The following LPA variants were observed in gnomAD, a reference collection of about 807,000 sequenced individuals.
The protein encoded by LPA is lipoprotein(a).
LPA carries 199 observed loss-of-function variants against 197.9 expected under a neutral mutation model. That is an observed-to-expected ratio of 1.01 (90% CI 0.90 to 1.13). The LOEUF (loss-of-function observed/expected upper bound fraction) is 1.13. Ranked by LOEUF, LPA falls within the 50% of genes most tolerant of loss-of-function variation. The pLI is 0.00. For synonymous variants in LPA, 715 were observed against 639.5 expected (o/e 1.12, Z -1.78); for missense variants, 1,853 against 1,785.8 (o/e 1.04, Z -0.68).
At chr6:160,587,613 C>A (rs4073498) in intron 24 of LPA, among the ~76,000 whole-genome samples, 19 of 151,830 alleles carry the variant, frequency 1.3e-4, no homozygotes, top group Non-Finnish European at 2.5e-4. Flanking sequence ...TGGCGTGTTG[C>A]GAGCCATCAT....
intron 26 of LPA, among the ~76,000 whole-genome samples, chr6:160,582,681 T>C (rs1473860450): frequency 6.6e-6 from 1 of 152,176 alleles, no homozygotes; most frequent in East Asian, 1.9e-4. Context: ...GCTTTACTTT[T>C]TAAAATCCTA....
chr6:160,610,250 T>C (rs544886747), intron 16 of LPA, among the ~76,000 whole-genome samples: 25 of 152,312 alleles, frequency 1.6e-4, no homozygotes, highest in Admixed American at 4.6e-4. Flanking sequence ...TGTTTACTTC[T>C]GAAGAGAGTT....
rs751715490 is a variant in LPA, at chr6:160,557,375, C to A, written c.4813+15G>T. 13 of 1,610,066 alleles carry A rather than the reference C, an allele frequency of 8.1e-6. No homozygotes were observed. ...AATGTTCAAATGTGTAGATATCTGG[C>A]CACAGACTTCTTACCTGCTTCAGAA... On this transcript the variant is annotated intron_variant, in intron 29 of 38. Coordinates refer to ENST00000316300, the MANE Select transcript of LPA (RefSeq NM_005577.4).
chr6:160,558,415 G>C (rs2115013332), intron 28 of LPA, among the ~76,000 whole-genome samples: 1 of 152,258 alleles, frequency 6.6e-6, no homozygotes, highest in Non-Finnish European at 1.5e-5. Context: ...TACTTTTAGA[G>C]TGAAAAGCAA....
At chr6:160,611,071 T>A (rs535253475) in intron 16 of LPA, among the ~76,000 whole-genome samples, 1 of 152,090 alleles carries the variant, frequency 6.6e-6, no homozygotes, top group African/African-American at 2.4e-5. Flanking sequence ...AGGCCACTGG[T>A]ACTTAGGACC....
intron 19 of LPA, among the ~76,000 whole-genome samples, chr6:160,600,616 G>A (rs41270992): frequency 6.6e-6 from 1 of 152,138 alleles, no homozygotes; most frequent in Non-Finnish European, 1.5e-5. Flanking sequence ...ACATCTGACA[G>A]CATATTACAA....
At chr6:160,626,573 A>G (rs1779657279) in intron 10 of LPA, among the ~76,000 whole-genome samples, 1 of 121,148 alleles carries the variant, frequency 8.3e-6, no homozygotes, top group African/African-American at 3.7e-5. Flanking sequence ...ATTTTTTTCA[A>G]TTAAGACATA....
At position 160,531,759 on chromosome 6, in the gene LPA, A is replaced by G. The variant is rs773561521; in HGVS notation, c.6093T>C (p.Thr2031=). The change falls in exon 39 of 39, where the codon ACT becomes ACC. Residue 2031 remains threonine, a synonymous_variant. Transcript: ENST00000316300. ...TATTTCTCATCATTCCCTCAATCCA[A>G]GTAACAAACCTTGAAACACGAGCAT... is the stretch of plus-strand genomic sequence containing the variant. ...GVYARVSRFV[T]WIEGMMRNN The G allele has an allele frequency of 2.5e-6, 4 of 1,614,070 alleles. No homozygotes were observed. Among genetic ancestry groups the G allele is most frequent in the African/African-American group, 1.3e-5 (1 of 75,016 alleles).
intron 16 of LPA, among the ~76,000 whole-genome samples, chr6:160,607,715 C>A (rs1779389184): frequency 6.6e-6 from 1 of 152,088 alleles, no homozygotes; most frequent in Non-Finnish European, 1.5e-5. Context: ...AGACTCTATA[C>A]ATGTGGCCTA....
intron 31 of LPA, 31 bp downstream of exon 31, chr6:160,548,447 T>C: frequency 6.2e-7 from 1 of 1,609,442 alleles, no homozygotes; most frequent in African/African-American, 1.3e-5. Flanking sequence ...GAGAGGTATG[T>C]GCTAGACAAG....
rs374732017 is a variant in LPA, at chr6:160,611,586, C to A, written c.2579G>T (p.Arg860Leu). The change falls in exon 16 of 39, where the codon CGG becomes CTG. Residue 860 changes from arginine to leucine, a missense_variant. Physicochemically the swap from Arg to Leu is moderately radical, Grantham distance 102. Coordinates refer to ENST00000316300, the MANE Select transcript of LPA (RefSeq NM_005577.4). ...CGCATTTGGGTAGTATTCTGGGGTC[C>A]GACTATGCGAGTGTGGTGTCATAGA... ...WSSMTPHSHS[R>L]TPEYYPNAGL... The A allele has an allele frequency of 6.2e-7, 1 of 1,604,272 alleles. No homozygotes were observed. The highest frequency in any genetic ancestry group is 2.2e-5 in the East Asian group (1 of 44,788).
rs528680280 is a variant in LPA, at chr6:160,567,081, T to A, written c.4632-9510A>T. ...CACCCCACTGTCAACATTAGACAGA[T>A]CAATGAGACAGAAAGTTAACATGGA... On this transcript the variant is annotated intron_variant, in intron 28 of 38. Coordinates refer to ENST00000316300, the MANE Select transcript of LPA (RefSeq NM_005577.4). Among the ~76,000 whole-genome samples the A allele has an allele frequency of 1.2e-4, 18 of 152,246 alleles. No homozygotes were observed. The East Asian group carries it at 3.5e-3, about 29-fold the overall frequency.
intron 7 of LPA, among the ~76,000 whole-genome samples, chr6:160,634,778 C>T (rs1384410053): frequency 2.6e-5 from 4 of 150,964 alleles, no homozygotes; most frequent in Admixed American, 6.6e-5. Context: ...TGAAGAAATC[C>T]CCAGAAAAGC....
chr6:160,647,294 A>T (rs1234121582), intron 2 of LPA, among the ~76,000 whole-genome samples: 2 of 152,176 alleles, frequency 1.3e-5, no homozygotes, highest in Non-Finnish European at 2.9e-5. Context: ...GCAGCTGAGG[A>T]GTTTGGGCTG....
At chr6:160,592,979 GTTCT>G (rs1374807431) in intron 22 of LPA, among the ~76,000 whole-genome samples, 2 of 152,058 alleles carry the variant, frequency 1.3e-5, no homozygotes, top group African/African-American at 4.8e-5. Context: ...TTTCTTTATT[GTTCT>G]TTCTTTGTGA....
intron 2 of LPA, among the ~76,000 whole-genome samples, chr6:160,648,044 G>T (rs915132585): frequency 2.0e-5 from 3 of 152,034 alleles, no homozygotes; most frequent in Non-Finnish European, 4.4e-5. Context: ...CTTTGTTTAG[G>T]GGAGTGCACA....
chr6:160,601,222 T>C (rs1437356244), intron 18 of LPA, 124 bp from the exon 19 acceptor site: 2 of 796,956 alleles, frequency 2.5e-6, no homozygotes, highest in Non-Finnish European at 4.4e-6. Context: ...TACCATACAA[T>C]TGCCACAATG....
At chr6:160,597,496 A>G (rs1401326472) in intron 20 of LPA, among the ~76,000 whole-genome samples, 2 of 152,152 alleles carry the variant, frequency 1.3e-5, no homozygotes, top group South Asian at 4.1e-4. Flanking sequence ...TTGTGTGTAT[A>G]TATGTGCAGC....
chr6:160,580,831 G>T (rs1016996216), intron 26 of LPA, among the ~76,000 whole-genome samples: 2 of 152,198 alleles, frequency 1.3e-5, no homozygotes, highest in Non-Finnish European at 2.9e-5. Flanking sequence ...ATATATGGAT[G>T]AGAGTGTTTT....
Sources: allele counts gnomAD v4.1 joint callset (sites outside exome capture counted in the v4.1 genomes callset), GRCh38; gene constraint gnomAD v4.1.1; transcripts MANE v1.5; gene names NCBI Gene and HGNC (gene_info 2026-07-23, HGNC 2026-07-21).